Variants in CSMD1 observed in about 807,000 individuals in gnomAD.
The protein encoded by CSMD1 is CUB and sushi domain-containing protein 1.
CSMD1 carries 213 observed loss-of-function variants against 417.5 expected under a neutral mutation model. The observed-to-expected ratio is 0.51, with a 90% CI of 0.46 to 0.57. CSMD1 has a LOEUF of 0.57. Among genes scored for constraint, CSMD1 ranks in the 20% least tolerant of loss-of-function variants. The pLI, the probability that CSMD1 is intolerant of heterozygous loss-of-function variation, is 0.00. For missense variants in CSMD1, 6,923 were observed against 4,529.7 expected (o/e 1.53, Z -15.17); for synonymous variants, 2,862 against 1,736.8 (o/e 1.65, Z -16.11).
chr8:3,143,528 G>A (rs1246523154), intron 40 of CSMD1, among the ~76,000 whole-genome samples: 1 of 152,102 alleles, frequency 6.6e-6, no homozygotes, highest in East Asian at 1.9e-4. Context: ...TTGCATTGTG[G>A]CATTTTTTTT....
At position 4,349,111 on chromosome 8, in the gene CSMD1, A is replaced by C. The variant is rs1800941112; in HGVS notation, c.415+70842T>G. On this transcript the variant is annotated intron_variant, in intron 3 of 69. Coordinates refer to ENST00000635120, the MANE Select transcript of CSMD1 (RefSeq NM_033225.6). ...AATTACAAAATGAGCTGAAGTTTGA[A>C]GATAAGTAAAATTCAGTCTGAATCC... is the stretch of plus-strand genomic sequence containing the variant. Among the ~76,000 whole-genome samples, 3 of 152,362 alleles carry C rather than the reference A, an allele frequency of 2.0e-5. No homozygotes were observed. In the South Asian group the frequency reaches 6.2e-4, roughly 32 times the overall value.
At chr8:4,119,882 C>T (rs1000139645) in intron 3 of CSMD1, among the ~76,000 whole-genome samples, 2 of 152,164 alleles carry the variant, frequency 1.3e-5, no homozygotes, top group East Asian at 1.9e-4. Flanking sequence ...CGACAAAGTA[C>T]AGGACAGTTG....
chr8:4,455,374 T>A (rs753424714), intron 2 of CSMD1, among the ~76,000 whole-genome samples: 1 of 152,096 alleles, frequency 6.6e-6, no homozygotes, highest in Non-Finnish European at 1.5e-5. Flanking sequence ...GGAAAACTGG[T>A]CATCAACTCA....
chr8:3,671,191 T>C (rs1402138448), intron 7 of CSMD1, among the ~76,000 whole-genome samples: 3 of 147,822 alleles, frequency 2.0e-5, no homozygotes, highest in Non-Finnish European at 3.0e-5. Context: ...ATGGTATATA[T>C]AGGTATATGG....
intron 54 of CSMD1, among the ~76,000 whole-genome samples, chr8:2,993,788 T>C (rs143127629): frequency 6.6e-6 from 1 of 152,074 alleles, no homozygotes; most frequent in Non-Finnish European, 1.5e-5. Flanking sequence ...TCGGCCCTTA[T>C]GACTTCAATC....
intron 6 of CSMD1, among the ~76,000 whole-genome samples, chr8:3,709,823 G>C (rs1458983850): frequency 1.3e-5 from 2 of 149,654 alleles, no homozygotes; most frequent in South Asian, 2.2e-4. Flanking sequence ...ATGTGAGTCA[G>C]TTCCTTATAG....
At chr8:4,583,947 G>C (rs1028642729) in intron 2 of CSMD1, among the ~76,000 whole-genome samples, 5 of 151,984 alleles carry the variant, frequency 3.3e-5, no homozygotes, top group Admixed American at 1.3e-4. Flanking sequence ...CACCGCCAAA[G>C]TCTGCAGCTT....
intron 4 of CSMD1, among the ~76,000 whole-genome samples, chr8:4,015,257 G>A (rs1796465752): frequency 6.6e-6 from 1 of 152,252 alleles, no homozygotes; most frequent in Admixed American, 6.5e-5. Context: ...AAACATAATT[G>A]ATAAAAACAC....
At chr8:3,601,255 G>A (rs1322523361) in intron 8 of CSMD1, among the ~76,000 whole-genome samples, 1 of 152,176 alleles carries the variant, frequency 6.6e-6, no homozygotes, top group Non-Finnish European at 1.5e-5. Context: ...TTTGATGGAG[G>A]CCAAGATTTG....
intron 2 of CSMD1, among the ~76,000 whole-genome samples, chr8:4,580,412 A>G (rs1162851930): frequency 2.0e-5 from 3 of 152,234 alleles, no homozygotes; most frequent in Non-Finnish European, 2.9e-5. Flanking sequence ...AACACAAATA[A>G]TGATATTAAA....
intron 3 of CSMD1, among the ~76,000 whole-genome samples, chr8:4,334,667 G>T (rs1454157517): frequency 6.6e-6 from 1 of 152,134 alleles, no homozygotes; most frequent in African/African-American, 2.4e-5. Flanking sequence ...TAGAGAAGCT[G>T]TAAATCCTCA....
chr8:3,813,763 G>C (rs558016991), intron 5 of CSMD1, among the ~76,000 whole-genome samples: 3 of 152,274 alleles, frequency 2.0e-5, no homozygotes, highest in East Asian at 1.9e-4. Flanking sequence ...GGATCAAGAA[G>C]CAACAGAAAA....
chr8:4,911,855 T>G (rs1307775332), intron 1 of CSMD1, among the ~76,000 whole-genome samples: 1 of 152,040 alleles, frequency 6.6e-6, no homozygotes, highest in African/African-American at 2.4e-5. Flanking sequence ...CAAATAAATT[T>G]GACAATTCCT....
intron 26 of CSMD1, among the ~76,000 whole-genome samples, chr8:3,254,337 C>G (rs1197052739): frequency 6.6e-6 from 1 of 152,112 alleles, no homozygotes; most frequent in Non-Finnish European, 1.5e-5. Flanking sequence ...TTTGGTGAAT[C>G]TGACAATTAT....
At chr8:3,471,147 A>T (rs1245843080) in intron 11 of CSMD1, among the ~76,000 whole-genome samples, 1 of 152,092 alleles carries the variant, frequency 6.6e-6, no homozygotes, top group Non-Finnish European at 1.5e-5. Context: ...AGCACCCCAG[A>T]TTCTTTGTAT....
At chr8:3,580,497 G>T (rs953873823) in intron 9 of CSMD1, among the ~76,000 whole-genome samples, 3 of 152,122 alleles carry the variant, frequency 2.0e-5, no homozygotes, top group Admixed American at 6.5e-5. Flanking sequence ...CCAACTTAAG[G>T]TTAGCTTTCA....
At chr8:3,466,011 T>G (rs575290018) in intron 12 of CSMD1, among the ~76,000 whole-genome samples, 1 of 152,328 alleles carries the variant, frequency 6.6e-6, no homozygotes, top group East Asian at 1.9e-4. Context: ...TGGGTTTACA[T>G]GTCTTACTGT....
chr8:4,054,229 C>G (rs529283958), intron 3 of CSMD1, among the ~76,000 whole-genome samples: 46 of 152,302 alleles, frequency 3.0e-4, no homozygotes, highest in African/African-American at 9.9e-4. Flanking sequence ...TCTCTTGTAG[C>G]TGAACATGGA....
chr8:3,846,580 A>G (rs557207035), intron 5 of CSMD1, among the ~76,000 whole-genome samples: 1 of 152,334 alleles, frequency 6.6e-6, no homozygotes, highest in South Asian at 2.1e-4. Flanking sequence ...GATTAAGTTG[A>G]CATTTAAAAT....
Sources: gnomAD v4.1 joint callset for allele counts (sites outside exome capture counted in the v4.1 genomes callset) on GRCh38, gnomAD v4.1.1 for gene constraint, MANE v1.5 for transcripts, NCBI Gene and HGNC (gene_info 2026-07-23, HGNC 2026-07-21) for gene names.